The following ZNF226 variants were observed in gnomAD, a reference collection of about 807,000 sequenced individuals.
ZNF226 encodes the protein zinc finger protein 226.
ZNF226 carries 6 observed loss-of-function variants against 11.4 expected under a neutral mutation model. The ratio of observed to expected loss-of-function variants is 0.53; its 90% confidence interval spans 0.29 to 1.04. The LOEUF (loss-of-function observed/expected upper bound fraction) is 1.04, where lower values mean the gene tolerates loss of function less well. ZNF226 is among the 50% of genes least tolerant of loss of function. The probability of loss-of-function intolerance (pLI) is 0.08; values close to 1 mark genes in which losing one functional copy is unlikely to be tolerated. For synonymous variants in ZNF226, 350 were observed against 322.8 expected, an observed-to-expected ratio of 1.08 and a Z score of -0.90; for missense variants, 1,058 against 956.5, an observed-to-expected ratio of 1.11 and a Z score of -1.40.
chr19:44,185,128 A>G, the ZNF226 span, among the ~76,000 whole-genome samples: 2 of 152,216 alleles, frequency 1.3e-5, no homozygotes, highest in Non-Finnish European at 2.9e-5. Context: ...ATAATATTGC[A>G]TTGTCTGTGT....
chr19:44,169,994 A>T, intron 2 of ZNF226, 41 bp from the exon 3 acceptor site: 1 of 1,443,968 alleles, frequency 6.9e-7, no homozygotes, highest in Admixed American at 2.1e-5. Context: ...CATTAGCAAC[A>T]TACTTACCCA....
chr19:44,178,818 C>CT (rs1426263524), downstream of ZNF226, among the ~76,000 whole-genome samples: 15 of 152,162 alleles, frequency 9.9e-5, no homozygotes, highest in African/African-American at 3.4e-4. Flanking sequence ...TTTTTATATA[C>CT]TACAGTAAAA....
chr19:44,185,388 C>A, the ZNF226 span, among the ~76,000 whole-genome samples: 1 of 152,194 alleles, frequency 6.6e-6, no homozygotes, highest in African/African-American at 2.4e-5. Context: ...GGTCTTCCAA[C>A]GTTACATCCT....
chr19:44,182,281 T>C (rs962903350), downstream of ZNF226, among the ~76,000 whole-genome samples: 1 of 152,230 alleles, frequency 6.6e-6, no homozygotes, highest in East Asian at 1.9e-4. Context: ...CTATGCATTG[T>C]AGGATGTTTA....
intron 3 of ZNF226, among the ~76,000 whole-genome samples, chr19:44,170,345 C>G (rs1390934830): frequency 6.6e-6 from 1 of 152,096 alleles, no homozygotes; most frequent in Non-Finnish European, 1.5e-5. Context: ...ACCTGTAATC[C>G]CAGCACTTTG....
the ZNF226 span, among the ~76,000 whole-genome samples, chr19:44,185,942 G>C: frequency 6.6e-6 from 1 of 151,992 alleles, no homozygotes; most frequent in Non-Finnish European, 1.5e-5. Flanking sequence ...TGTATACAAT[G>C]TAAGGTAAGG....
At chr19:44,173,789 C>T (rs1970394797) in intron 5 of ZNF226, 1 of 152,238 alleles carries the variant, frequency 6.6e-6, no homozygotes, top group Admixed American at 6.5e-5. Context: ...CCTCTGACCA[C>T]CCTATTAAAA....
At chr19:44,188,117 T>C in the ZNF226 span, among the ~76,000 whole-genome samples, 1 of 152,174 alleles carries the variant, frequency 6.6e-6, no homozygotes, top group African/African-American at 2.4e-5. Flanking sequence ...GGTGAAGTGT[T>C]CTGTATGTAT....
the ZNF226 span, among the ~76,000 whole-genome samples, chr19:44,185,877 T>A: frequency 6.6e-6 from 1 of 152,172 alleles, no homozygotes; most frequent in Non-Finnish European, 1.5e-5. Flanking sequence ...TCTTCTAGGA[T>A]TTTAACAGTT....
At position 44,175,929 on chromosome 19, in the gene ZNF226, T is replaced by C. The variant is rs1970630842; in HGVS notation, c.667T>C (p.Ser223Pro). Reference sequence around the variant, plus strand: ...TCATAGAGTACACAAAAGTGAAAAATCTTATAGACCCAATGATTATGAAAA... The same window carrying C: ...TCATAGAGTACACAAAAGTGAAAAACCTTATAGACCCAATGATTATGAAAA... ...DGHRVHKSEK[S>P]YRPNDYEKDN... The change falls in exon 6 of 6, where the codon TCT becomes CCT. Residue 223 changes from serine (S) to proline (P), a missense_variant. By Grantham distance (74) the Ser-to-Pro change is moderately conservative (BLOSUM62 -1). Coordinates refer to ENST00000337433, the MANE Select transcript of ZNF226 (RefSeq NM_001032373.2). 6.2e-7 allele frequency: 1 copy of C among 1,612,742 alleles called. No individual in the cohort carries two copies.
In ZNF226 at chr19:44,175,715, T is replaced by C; in HGVS notation, c.453T>C (p.Asn151=). 2.5e-6 allele frequency: 4 copies of C among 1,612,436 alleles called. No homozygotes were observed. The highest frequency in any genetic ancestry group is 3.4e-6 in the Non-Finnish European group (4 of 1,179,438). Residue 151 remains asparagine, a synonymous_variant, in exon 6 of 6, where the codon AAT becomes AAC. Transcript: ENST00000337433. ...QISEDENYIV[N]KADGPNNTGN... is the part of the protein sequence containing the mutation. ...CTGAAGATGAGAACTATATAGTAAA[T>C]AAAGCAGATGGTCCCAATAATACTG... is the stretch of plus-strand genomic sequence containing the variant.
the ZNF226 span, among the ~76,000 whole-genome samples, chr19:44,185,602 G>A: frequency 6.6e-6 from 1 of 151,822 alleles, no homozygotes; most frequent in Non-Finnish European, 1.5e-5. Context: ...GATTATTTGG[G>A]GTTTTTTTGT....
At chr19:44,183,054 G>A (rs993157086), downstream of ZNF226, among the ~76,000 whole-genome samples, 6 of 152,164 alleles carry the variant, frequency 3.9e-5, no homozygotes, top group African/African-American at 7.2e-5. Context: ...ATACGCTGCC[G>A]AAACTGACTT....
At position 44,177,369 on chromosome 19, in the gene ZNF226, G is replaced by A. The variant is rs918832208; in HGVS notation, c.2107G>A (p.Glu703Lys). The A allele has an allele frequency of 1.9e-6, 3 of 1,613,914 alleles. No individual in the cohort carries two copies. The highest frequency in any genetic ancestry group is 2.5e-6 in the Non-Finnish European group (3 of 1,180,008). ...HTGEKPYKCG[E>K]CGKYFSQASS... is the part of the protein sequence containing the mutation. ...AGGAGAAAAACCATATAAATGTGGG[G>A]AGTGTGGTAAGTACTTCAGTCAGGC... is the stretch of plus-strand genomic sequence containing the variant. Residue 703 changes from glutamate to lysine, a missense_variant, in exon 6 of 6, where the codon GAG (glutamate) becomes AAG (lysine). Glu to Lys is a moderately conservative substitution (Grantham distance 56, BLOSUM62 1). Transcript: ENST00000337433.
chr19:44,178,823 G>T (rs1453514017), downstream of ZNF226, among the ~76,000 whole-genome samples: 1 of 152,134 alleles, frequency 6.6e-6, no homozygotes, highest in Non-Finnish European at 1.5e-5. Context: ...ATATACTACA[G>T]TAAAAAGGAT....
chr19:44,172,395 T>C, intron 4 of ZNF226, 181 bp downstream of exon 4: 1 of 706,220 alleles, frequency 1.4e-6, no homozygotes, highest in Non-Finnish European at 2.2e-6. Context: ...TTGTGTTTTA[T>C]AGAAGAACTG....
chr19:44,191,123 G>A, the ZNF226 span, among the ~76,000 whole-genome samples: 1 of 152,192 alleles, frequency 6.6e-6, no homozygotes, highest in South Asian at 2.1e-4. Flanking sequence ...CTTCACTGCA[G>A]TTGTGAAAAG....
chr19:44,175,338 G>T, intron 5 of ZNF226, 160 bp from the exon 6 acceptor site: 1 of 1,412,928 alleles, frequency 7.1e-7, no homozygotes, highest in Non-Finnish European at 9.2e-7. Context: ...ACCATCTCTT[G>T]GTTTCTGTCA....
At chr19:44,171,376 T>C (rs141362827) in intron 3 of ZNF226, among the ~76,000 whole-genome samples, 1 of 152,336 alleles carries the variant, frequency 6.6e-6, no homozygotes, top group Non-Finnish European at 1.5e-5. Context: ...GTCTTCCCCA[T>C]GCCTCAGTCA....
Sources: allele counts gnomAD v4.1 joint callset (sites outside exome capture counted in the v4.1 genomes callset), GRCh38; gene constraint gnomAD v4.1.1; transcripts MANE v1.5; gene names NCBI Gene and HGNC (gene_info 2026-07-23, HGNC 2026-07-21).